The following GPR158 variants were observed in gnomAD, a reference collection of about 807,000 sequenced individuals.
GPR158 encodes the protein metabotropic glycine receptor.
GPR158 carries 30 observed loss-of-function variants against 78.2 expected under a neutral mutation model. The ratio of observed to expected loss-of-function variants is 0.38; its 90% CI spans 0.29 to 0.52. GPR158 has a LOEUF of 0.52. Ranked by LOEUF, GPR158 falls within the 20% of genes least tolerant of loss-of-function variation. The pLI, the probability that GPR158 is intolerant of heterozygous loss-of-function variation, is 0.83. For synonymous variants in GPR158, 581 were observed against 591.1 expected, an observed-to-expected ratio of 0.98 and a Z score of 0.25; for missense variants, 1,463 against 1,523.5, an observed-to-expected ratio of 0.96 and a Z score of 0.66.
chr10:25,353,992 G>C (rs1855512167), intron 2 of GPR158, among the ~76,000 whole-genome samples: 1 of 152,014 alleles, frequency 6.6e-6, no homozygotes. Context: ...ATTGCATTTA[G>C]TGAATCTATT....
At chr10:25,588,964 C>A (rs1837305286) in intron 7 of GPR158, 43 bp from the exon 8 acceptor site, 3 of 1,382,498 alleles carry the variant, frequency 2.2e-6, no homozygotes, top group African/African-American at 2.8e-5. Flanking sequence ...AATTTTATTT[C>A]TTCACCTATA....
chr10:25,499,529 A>G (rs1321694911), intron 5 of GPR158, among the ~76,000 whole-genome samples: 1 of 152,264 alleles, frequency 6.6e-6, no homozygotes, highest in African/African-American at 2.4e-5. Flanking sequence ...TTTGGAGGAT[A>G]TAGCAGTTAA....
At chr10:25,241,129 C>CTT (rs76572452) in intron 2 of GPR158, among the ~76,000 whole-genome samples, 1 of 39,138 alleles carries the variant, frequency 2.6e-5, no homozygotes, top group Non-Finnish European at 7.3e-5. Context: ...CTTTGATTTT[C>CTT]TTTCTTTCTT....
chr10:25,292,592 A>G (rs1471151341), intron 2 of GPR158, among the ~76,000 whole-genome samples: 1 of 152,082 alleles, frequency 6.6e-6, no homozygotes, highest in Non-Finnish European at 1.5e-5. Flanking sequence ...GAGAATGGGA[A>G]GTAGATAGAG....
At chr10:25,264,225 G>T (rs2130736351) in intron 2 of GPR158, among the ~76,000 whole-genome samples, 1 of 152,144 alleles carries the variant, frequency 6.6e-6, no homozygotes, top group East Asian at 1.9e-4. Context: ...AATAAGACCA[G>T]ATTGATGCTG....
At chr10:25,180,274 T>C (rs568445343) in intron 1 of GPR158, among the ~76,000 whole-genome samples, 10 of 152,296 alleles carry the variant, frequency 6.6e-5, no homozygotes, top group Admixed American at 2.0e-4. Flanking sequence ...CATTAGATAC[T>C]TTATATATTT....
intron 5 of GPR158, among the ~76,000 whole-genome samples, chr10:25,537,192 C>G (rs1313863798): frequency 6.6e-6 from 1 of 152,208 alleles, no homozygotes; most frequent in South Asian, 2.1e-4. Flanking sequence ...TATAGTCTTT[C>G]CAACCAAAAC....
chr10:25,409,792 T>C (rs540033181), intron 3 of GPR158, among the ~76,000 whole-genome samples: 2 of 152,312 alleles, frequency 1.3e-5, no homozygotes, highest in Non-Finnish European at 2.9e-5. Context: ...ATCTCACCTG[T>C]TTCAAAGAAA....
At chr10:25,185,624 C>T (rs1852672836) in intron 1 of GPR158, among the ~76,000 whole-genome samples, 1 of 152,188 alleles carries the variant, frequency 6.6e-6, no homozygotes, top group Non-Finnish European at 1.5e-5. Context: ...GAGATCGAGA[C>T]TATCCTGGCT....
intron 2 of GPR158, among the ~76,000 whole-genome samples, chr10:25,336,184 G>T (rs1344306368): frequency 6.6e-6 from 1 of 152,086 alleles, no homozygotes; most frequent in South Asian, 2.1e-4. Flanking sequence ...TATTTAACCT[G>T]TGTACATATC....
intron 5 of GPR158, among the ~76,000 whole-genome samples, chr10:25,540,710 C>T (rs993875551): frequency 1.3e-4 from 20 of 151,532 alleles, no homozygotes; most frequent in African/African-American, 4.9e-4. Flanking sequence ...CCAAACACCA[C>T]ATGTTCTCAC....
At chr10:25,452,818 T>C in intron 4 of GPR158, among the ~76,000 whole-genome samples, 1 of 152,220 alleles carries the variant, frequency 6.6e-6, no homozygotes, top group East Asian at 1.9e-4. Flanking sequence ...ATTCTGTATA[T>C]TAGATCCTCA....
intron 2 of GPR158, among the ~76,000 whole-genome samples, chr10:25,302,526 G>A (rs576218573): frequency 6.6e-6 from 1 of 152,048 alleles, no homozygotes; most frequent in Admixed American, 6.6e-5. Context: ...GCTTTTCTAG[G>A]TAGGGTCTAG....
chr10:25,375,801 A>C (rs1285052509), intron 2 of GPR158, among the ~76,000 whole-genome samples: 1 of 151,580 alleles, frequency 6.6e-6, no homozygotes, highest in Non-Finnish European at 1.5e-5. Flanking sequence ...CTTTGTAATG[A>C]GTTATAATAT....
intron 2 of GPR158, among the ~76,000 whole-genome samples, chr10:25,307,336 T>C (rs1854691971): frequency 6.6e-6 from 1 of 151,744 alleles, no homozygotes; most frequent in Non-Finnish European, 1.5e-5. Flanking sequence ...CCTTTTTCTT[T>C]CAAGTCCCCC....
At chr10:25,245,800 C>A (rs1284563352) in intron 2 of GPR158, among the ~76,000 whole-genome samples, 3 of 152,070 alleles carry the variant, frequency 2.0e-5, no homozygotes, top group Non-Finnish European at 2.9e-5. Context: ...GGAAATAATG[C>A]TAATTGTGCA....
chr10:25,178,583 G>A (rs1427377657), intron 1 of GPR158, among the ~76,000 whole-genome samples: 1 of 152,174 alleles, frequency 6.6e-6, no homozygotes, highest in African/African-American at 2.4e-5. Flanking sequence ...GTTTCTTTAA[G>A]TGCCTTTATA....
chr10:25,438,796 A>C (rs1298422175), intron 4 of GPR158, among the ~76,000 whole-genome samples: 1 of 152,234 alleles, frequency 6.6e-6, no homozygotes, highest in Non-Finnish European at 1.5e-5. Flanking sequence ...TCCTAGTTAA[A>C]ACTGAAGTCA....
chr10:25,293,922 T>G (rs980429329), intron 2 of GPR158, among the ~76,000 whole-genome samples: 2 of 152,086 alleles, frequency 1.3e-5, no homozygotes, highest in African/African-American at 4.8e-5. Flanking sequence ...ATTTTTTGTA[T>G]TTTTAGCAGA....
Sources: allele counts gnomAD v4.1 joint callset (sites outside exome capture counted in the v4.1 genomes callset), GRCh38; gene constraint gnomAD v4.1.1; transcripts MANE v1.5; gene names NCBI Gene and HGNC (gene_info 2026-07-23, HGNC 2026-07-21).